The following DISC1 variants were observed in gnomAD, a reference collection of about 807,000 sequenced individuals.
The protein encoded by DISC1 is DISC1 scaffold protein.
In DISC1, 57 loss-of-function variants were observed where a neutral mutation model predicts 84.5. The ratio of observed to expected loss-of-function variants is 0.67; its 90% CI spans 0.55 to 0.84. DISC1 has a LOEUF of 0.84. Ranked by LOEUF, DISC1 falls within the 40% of genes least tolerant of loss-of-function variation. The pLI is 0.00. For missense variants in DISC1, 1,000 were observed against 1,057.8 expected, an observed-to-expected ratio of 0.95 and a Z score of 0.76; for synonymous variants, 411 against 415.2, an observed-to-expected ratio of 0.99 and a Z score of 0.12.
chr1:231,853,179 A>ATAAACTACCAT (rs1420653324), intron 9 of DISC1, among the ~76,000 whole-genome samples: 3 of 152,246 alleles, frequency 2.0e-5, no homozygotes, highest in Non-Finnish European at 4.4e-5. Context: ...TTAGACCTTA[A>ATAAACTACCAT]TAAACTACCA....
At chr1:231,813,375 T>C (rs985514718) in intron 8 of DISC1, 3 of 152,096 alleles carry the variant, frequency 2.0e-5, no homozygotes, top group Admixed American at 6.6e-5. Flanking sequence ...AGGAGGAACA[T>C]TGGAAGGTAC....
intron 1 of DISC1, among the ~76,000 whole-genome samples, chr1:231,636,966 C>T (rs1197137324): frequency 6.6e-6 from 1 of 152,084 alleles, no homozygotes; most frequent in Non-Finnish European, 1.5e-5. Context: ...ACCCCTACCC[C>T]CCAGCAGGCC....
At chr1:231,979,254 TTATAA>T (rs1162585114) in intron 10 of DISC1, among the ~76,000 whole-genome samples, 1 of 151,940 alleles carries the variant, frequency 6.6e-6, no homozygotes, top group Non-Finnish European at 1.5e-5. Context: ...TTATTAAATA[TTATAA>T]TATAATAGAA....
chr1:231,791,784 A>G lies in DISC1; in HGVS notation c.1635-3458A>G, dbSNP rs11800313. Among the ~76,000 whole-genome samples the G allele has an allele frequency of 2.3e-3, 343 of 152,328 alleles. 1 individual carries two copies. Among genetic ancestry groups the G allele is most frequent in the African/African-American group, 7.9e-3 (330 of 41,572 alleles). Reference sequence around the variant, plus strand: ...AAAGTACACGGAACTCCTGCTTGTCAGCATTGAACTGGTCTTATTTTCTGG... The same window carrying G: ...AAAGTACACGGAACTCCTGCTTGTCGGCATTGAACTGGTCTTATTTTCTGG... On this transcript the variant is annotated intron_variant, in intron 6 of 12. Transcript: ENST00000439617.
chr1:232,022,022 CA>C (rs1669006416), intron 11 of DISC1, among the ~76,000 whole-genome samples: 1 of 152,168 alleles, frequency 6.6e-6, no homozygotes, highest in South Asian at 2.1e-4. Flanking sequence ...TCTGAAAAGA[CA>C]TGTCACCTTT....
rs187968533 is a variant in DISC1, at chr1:231,947,847, G to A, written c.1982-10981G>A. Among the ~76,000 whole-genome samples the A allele has an allele frequency of 9.5e-4, 140 of 147,660 alleles. 1 individual carries two copies. The highest frequency in any genetic ancestry group is 5.5e-3 in the East Asian group (28 of 5,130). ...GAAGACATTTATGTAACAAACAGAC[G>A]TATAAAAAAATGCTCATCATCACTG... On this transcript the variant is annotated intron_variant, in intron 9 of 12. Transcript: ENST00000439617.
intron 9 of DISC1, among the ~76,000 whole-genome samples, chr1:231,832,718 G>A (rs1249510935): frequency 7.5e-5 from 11 of 146,718 alleles, no homozygotes; most frequent in Non-Finnish European, 1.0e-4. Context: ...AATGGGCTGT[G>A]GAGGGAGGTA....
In DISC1 at chr1:231,638,949, C is replaced by T. The variant is rs908788006; in HGVS notation, c.67+12015C>T. 4.6e-5 allele frequency among the ~76,000 whole-genome samples: 7 copies of T among 152,108 alleles called. No individual in the cohort carries two copies. The South Asian group carries it at 1.4e-3, about 32-fold the overall frequency. ...CTGGGGTAAATTTCTTGAGGACAAA[C>T]CTTGTCTCATTTGCCTTCTTATAAT... On this transcript the variant is annotated intron_variant, in intron 1 of 12. Transcript: ENST00000439617.
intron 10 of DISC1, among the ~76,000 whole-genome samples, chr1:231,984,327 AT>A (rs1156886173): frequency 1.3e-5 from 2 of 152,238 alleles, no homozygotes; most frequent in African/African-American, 2.4e-5. Flanking sequence ...GAGAAATTGG[AT>A]GATTGAGGTA....
intron 8 of DISC1, among the ~76,000 whole-genome samples, chr1:231,804,922 A>C (rs1452731982): frequency 6.6e-6 from 1 of 152,184 alleles, no homozygotes; most frequent in Non-Finnish European, 1.5e-5. Flanking sequence ...TGTTGTACAC[A>C]GAGGGATGGA....
At chr1:231,666,213 A>T (rs2062000056) in intron 1 of DISC1, among the ~76,000 whole-genome samples, 1 of 151,338 alleles carries the variant, frequency 6.6e-6, no homozygotes, top group Admixed American at 6.6e-5. Context: ...CTACAACCCC[A>T]AGCTTTTCAT....
At chr1:231,884,603 G>A (rs1328800212) in intron 9 of DISC1, among the ~76,000 whole-genome samples, 5 of 152,064 alleles carry the variant, frequency 3.3e-5, no homozygotes, top group African/African-American at 1.2e-4. Flanking sequence ...ATCTTCCTTC[G>A]GGTGTATAAG....
At chr1:231,798,762 G>A (rs897799413) in intron 7 of DISC1, among the ~76,000 whole-genome samples, 25 of 152,018 alleles carry the variant, frequency 1.6e-4, no homozygotes, top group African/African-American at 5.8e-4. Flanking sequence ...CCAAACTGTC[G>A]TCTTCATCCA....
chr1:231,759,526 C>CAAAAAAAAAAAA (rs767431903), intron 4 of DISC1, among the ~76,000 whole-genome samples: 2 of 48,292 alleles, frequency 4.1e-5, no homozygotes, highest in African/African-American at 9.1e-5. Flanking sequence ...CCCATCTCTA[C>CAAAAAAAAAAAA]AAAAAAAAAA....
At chr1:232,022,774 G>T (rs1158398306) in intron 11 of DISC1, among the ~76,000 whole-genome samples, 2 of 152,184 alleles carry the variant, frequency 1.3e-5, no homozygotes, top group Non-Finnish European at 2.9e-5. Context: ...CCAAGTGAGA[G>T]CATTATAGTA....
At chr1:232,033,730 TC>T (rs2103065569) in intron 12 of DISC1, among the ~76,000 whole-genome samples, 1 of 152,366 alleles carries the variant, frequency 6.6e-6, no homozygotes, top group South Asian at 2.1e-4. Flanking sequence ...CTCTGCACTT[TC>T]ATTTCTCCCA....
chr1:231,855,664 G>A (rs1308873166), intron 9 of DISC1, among the ~76,000 whole-genome samples: 1 of 152,134 alleles, frequency 6.6e-6, no homozygotes, highest in Non-Finnish European at 1.5e-5. Flanking sequence ...TCCTAAGGAT[G>A]GCTTATTTTC....
intron 3 of DISC1, among the ~76,000 whole-genome samples, chr1:231,705,186 G>A (rs556233821): frequency 6.6e-6 from 1 of 150,588 alleles, no homozygotes; most frequent in Non-Finnish European, 1.5e-5. Context: ...TACTCGGGAG[G>A]CTGAGGCAGG....
chr1:231,877,877 T>C (rs2086010138), intron 9 of DISC1, among the ~76,000 whole-genome samples: 1 of 152,186 alleles, frequency 6.6e-6, no homozygotes, highest in Non-Finnish European at 1.5e-5. Flanking sequence ...AATGACTTAA[T>C]AGCTAAATTC....
Sources: allele counts gnomAD v4.1 joint callset (sites outside exome capture counted in the v4.1 genomes callset), GRCh38; gene constraint gnomAD v4.1.1; transcripts MANE v1.5; gene names NCBI Gene and HGNC (gene_info 2026-07-23, HGNC 2026-07-21).